Variants in CFAP52 observed in about 807,000 individuals in gnomAD.
CFAP52 encodes the protein cilia- and flagella-associated protein 52.
Under a neutral mutation model 70.5 loss-of-function variants are expected in CFAP52, and 57 were observed. The observed-to-expected ratio is 0.81, with a 90% confidence interval of 0.65 to 1.01. CFAP52 has a LOEUF of 1.01. CFAP52 is among the 50% of genes least tolerant of loss of function. CFAP52 has a pLI of 0.00. For synonymous variants in CFAP52, 267 were observed against 292.5 expected (o/e 0.91, Z 0.89); for missense variants, 785 against 788.5 (o/e 1.00, Z 0.05).
chr17:9,644,066 G>C (rs1461302514), downstream of CFAP52, among the ~76,000 whole-genome samples: 2 of 152,168 alleles, frequency 1.3e-5, no homozygotes, highest in Admixed American at 1.3e-4. Flanking sequence ...TTTTGCATGA[G>C]GTAACTGCTG....
chr17:9,581,479 G>T (rs919037165), intron 1 of CFAP52, among the ~76,000 whole-genome samples: 1 of 151,560 alleles, frequency 6.6e-6, no homozygotes, highest in Non-Finnish European at 1.5e-5. Flanking sequence ...CAGTGTATAT[G>T]ATATGAGCCT....
chr17:9,595,440 G>A (rs773673795), intron 4 of CFAP52, among the ~76,000 whole-genome samples: 3 of 150,830 alleles, frequency 2.0e-5, no homozygotes, highest in African/African-American at 4.9e-5. Context: ...TGACCGGCAC[G>A]AAAACCAGCC....
At chr17:9,606,972 G>A (rs925799307) in intron 6 of CFAP52, among the ~76,000 whole-genome samples, 8 of 152,156 alleles carry the variant, frequency 5.3e-5, no homozygotes, top group Non-Finnish European at 1.2e-4. Flanking sequence ...ACTTGAAAGG[G>A]CAGGATATTT....
chr17:9,630,944 C>T (rs1468459516), intron 9 of CFAP52, among the ~76,000 whole-genome samples: 1 of 147,068 alleles, frequency 6.8e-6, no homozygotes, highest in African/African-American at 2.5e-5. Context: ...CAAGATCGCA[C>T]CACTGCACTC....
intron 4 of CFAP52, among the ~76,000 whole-genome samples, chr17:9,595,842 G>A (rs1908973594): frequency 6.7e-6 from 1 of 150,104 alleles, no homozygotes. Context: ...GCAAGTTTAA[G>A]TATTTCAGAA....
At chr17:9,644,965 G>C (rs1228607001), downstream of CFAP52, 1 of 152,188 alleles carries the variant, frequency 6.6e-6, no homozygotes, top group Non-Finnish European at 1.5e-5. Context: ...ACCACTCGGG[G>C]GCTTTTTTCA....
intron 3 of CFAP52, among the ~76,000 whole-genome samples, chr17:9,589,311 T>C (rs1317127365): frequency 6.6e-6 from 1 of 152,200 alleles, no homozygotes; most frequent in Non-Finnish European, 1.5e-5. Flanking sequence ...TTGTGTATAG[T>C]TATATAACGA....
At chr17:9,598,760 C>CAAAAAAAAAAAAAAAAA (rs71135996) in intron 5 of CFAP52, among the ~76,000 whole-genome samples, 1 of 132,552 alleles carries the variant, frequency 7.5e-6, no homozygotes. Context: ...CACTCTGTTT[C>CAAAAAAAAAAAAAAAAA]AAAAAAAAAA....
chr17:9,608,071 G>C (rs1265350939), intron 6 of CFAP52, 48 bp from the exon 7 acceptor site: 28 of 1,519,668 alleles, frequency 1.8e-5, no homozygotes, highest in Non-Finnish European at 2.4e-5. Context: ...CTTTAGTGGT[G>C]ATTTGTGAGA....
rs761523039 is a variant in CFAP52, at chr17:9,631,028, A to AAGAGAGAG, written c.1175-1840_1175-1833dup. On this transcript the variant is annotated intron_variant, in intron 9 of 13. Transcript: ENST00000352665. ...AAAGAAAGAAAGAAAGAAAGAAAGAAAGAGAGAGAGAGAGAGAGAGAGAGA... is the reference window on the plus strand; with the variant it reads ...AAAGAAAGAAAGAAAGAAAGAAAGAAAGAGAGAGAGAGAGAGAGAGAGAGAGAGAGAGA... Among the ~76,000 whole-genome samples the AAGAGAGAG allele has an allele frequency of 1.3e-4, 6 of 44,706 alleles. 1 individual carries two copies. Among genetic ancestry groups the AAGAGAGAG allele is most frequent in the African/African-American group, 3.7e-4 (3 of 8,200 alleles). The allele number at this position is 44,706 out of a possible 152,430, so 29.3% of individuals were successfully genotyped here.
In CFAP52 at chr17:9,614,068, A is replaced by G. The variant is rs562316720; in HGVS notation, c.1025+1589A>G. 5.3e-5 allele frequency among the ~76,000 whole-genome samples: 8 copies of G among 150,236 alleles called. No homozygotes were observed. The South Asian group carries it at 1.1e-3, about 20-fold the overall frequency. On this transcript the variant is annotated intron_variant, in intron 8 of 13. Coordinates refer to ENST00000352665, the MANE Select transcript of CFAP52 (RefSeq NM_145054.5). ...TTTTTTTAAGGGTAGATTTTAAACCATCTTTTCAATTGCTTATATAGTTAT... is the reference window on the plus strand; with the variant it reads ...TTTTTTTAAGGGTAGATTTTAAACCGTCTTTTCAATTGCTTATATAGTTAT...
Position 9,629,492 on chromosome 17 carries a change from TTTCTTTTC to T in CFAP52, c.1174+675_1174+682del, listed in dbSNP as rs1910365529. On this transcript the variant is annotated intron_variant, in intron 9 of 13. Transcript: ENST00000352665. ...TTCTTTCCCTTTCTTTCTTTCTTTC[TTTCTTTTC>T]TTTTCTTTCTTTCTTTCTTCTTTCT... Among the ~76,000 whole-genome samples, 13 of 144,812 alleles carry T rather than the reference TTTCTTTTC, an allele frequency of 9.0e-5. 1 individual carries two copies. Among genetic ancestry groups the T allele is most frequent in the Middle Eastern group, 3.5e-3 (1 of 284 alleles).
intron 12 of CFAP52, among the ~76,000 whole-genome samples, chr17:9,640,704 G>A (rs1444840964): frequency 6.6e-6 from 1 of 152,056 alleles, no homozygotes; most frequent in Non-Finnish European, 1.5e-5. Flanking sequence ...CATAATCTCA[G>A]CTCACTGCAA....
At position 9,585,888 on chromosome 17, in the gene CFAP52, T is replaced by C. The variant is rs1908446863; in HGVS notation, c.186T>C (p.Gly62=). The C allele has an allele frequency of 6.2e-7, 1 of 1,613,628 alleles. No homozygotes were observed. The highest frequency in any genetic ancestry group is 1.1e-5 in the South Asian group (1 of 91,078). The change falls in exon 2 of 14, where the codon GGT becomes GGC. Residue 62 remains glycine (G), a synonymous_variant. Coordinates refer to ENST00000352665, the MANE Select transcript of CFAP52 (RefSeq NM_145054.5). ...INTKEQNFLQ[G]HGNNVSCLAI... is the part of the protein sequence containing the mutation. ...CTAAAGAGCAGAACTTCCTACAGGG[T>C]CATGGCAACAACGTCTCCTGCTTGG...
intron 3 of CFAP52, among the ~76,000 whole-genome samples, chr17:9,593,907 A>G (rs1214058821): frequency 5.9e-5 from 9 of 151,810 alleles, no homozygotes; most frequent in Admixed American, 5.9e-4. Flanking sequence ...GGAGGTTGCA[A>G]TGAGCAGAGA....
intron 1 of CFAP52, 97 bp from the exon 2 acceptor site, chr17:9,585,676 C>T: frequency 8.0e-7 from 1 of 1,249,944 alleles, no homozygotes. Context: ...CTGTCACACA[C>T]ACACACACAC....
At position 9,585,872 on chromosome 17, in the gene CFAP52, A is replaced by C; in HGVS notation, c.170A>C (p.Gln57Pro). The change falls in exon 2 of 14, where the codon CAG (glutamine) becomes CCG (proline). Residue 57 changes from glutamine to proline, a missense_variant. Physicochemically the swap from Gln to Pro is moderately conservative, Grantham distance 76. Coordinates refer to ENST00000352665, the MANE Select transcript of CFAP52 (RefSeq NM_145054.5). ...VLIQAINTKE[Q>P]NFLQGHGNNV... ...ATTCAGGCAATAAATACTAAAGAGC[A>C]GAACTTCCTACAGGGTCATGGCAAC... 1 of 1,614,040 alleles carries C rather than the reference A, an allele frequency of 6.2e-7. No homozygotes were observed. The highest frequency in any genetic ancestry group is 8.5e-7 in the Non-Finnish European group (1 of 1,180,010).
intron 8 of CFAP52, among the ~76,000 whole-genome samples, chr17:9,627,458 C>T (rs923222305): frequency 3.9e-5 from 6 of 152,006 alleles, no homozygotes; most frequent in Non-Finnish European, 7.4e-5. Context: ...AAGCCAAGAT[C>T]GGACCATTGC....
chr17:9,586,980 C>T (rs898931229), intron 3 of CFAP52, 146 bp downstream of exon 3: 2 of 1,003,918 alleles, frequency 2.0e-6, no homozygotes, highest in Non-Finnish European at 1.4e-6. Context: ...GGTGCTCAGC[C>T]TAGTACCCAG....
Sources: allele counts gnomAD v4.1 joint callset (sites outside exome capture counted in the v4.1 genomes callset), GRCh38; gene constraint gnomAD v4.1.1; transcripts MANE v1.5; gene names NCBI Gene and HGNC (gene_info 2026-07-23, HGNC 2026-07-21).